Variants in WNK3 observed in about 807,000 individuals in gnomAD.
WNK3 encodes the protein WNK lysine deficient protein kinase 3, also known as serine/threonine-protein kinase WNK3.
A neutral mutation model predicts 116.7 loss-of-function variants in WNK3; 18 were observed. The observed-to-expected ratio is 0.15, with a 90% CI of 0.11 to 0.23. The LOEUF (loss-of-function observed/expected upper bound fraction) is 0.23, where lower values mean the gene tolerates loss of function less well. Among genes scored for constraint, WNK3 ranks in the 10% least tolerant of loss-of-function variants. The pLI, the probability that WNK3 is intolerant of heterozygous loss-of-function variation, is 1.00. For synonymous variants in WNK3, 404 were observed against 469.4 expected (o/e 0.86, Z 1.80); for missense variants, 993 against 1,323.8 (o/e 0.75, Z 3.88).
intron 10 of WNK3, among the ~76,000 whole-genome samples, chrX:54,272,600 C>A (rs782806771): frequency 1.2e-4 from 13 of 111,812 alleles, no homozygotes; most frequent in Non-Finnish European, 1.9e-4. Flanking sequence ...TCACAGTAGG[C>A]CCATGGATAT....
intron 10 of WNK3, among the ~76,000 whole-genome samples, chrX:54,270,711 G>C (rs1004759296): frequency 5.5e-5 from 6 of 109,917 alleles, no homozygotes; most frequent in Non-Finnish European, 1.1e-4. Flanking sequence ...TTAGGTATTT[G>C]TCCTAATGCT....
At chrX:54,237,796 G>A (rs935294811) in intron 19 of WNK3, among the ~76,000 whole-genome samples, 1 of 111,274 alleles carries the variant, frequency 9.0e-6, no homozygotes, top group Non-Finnish European at 1.9e-5. Flanking sequence ...CCACCCACCC[G>A]CCAAAAGAAA....
At chrX:54,209,655 A>G (rs1247601980) in intron 22 of WNK3, among the ~76,000 whole-genome samples, 1 of 95,693 alleles carries the variant, frequency 1.0e-5, no homozygotes, top group Non-Finnish European at 2.0e-5. Context: ...GATTTAAGCT[A>G]TTCTCCTGCC....
exon 21 of WNK3, chrX:54,232,984 C>A (rs1557149363): frequency 4.1e-6 from 5 of 1,208,521 alleles, no homozygotes; most frequent in Non-Finnish European, 5.6e-6. Context: ...GCTCCTTATT[C>A]TGCTGGGTTT....
At chrX:54,216,900 G>T (rs995372914) in intron 22 of WNK3, among the ~76,000 whole-genome samples, 4 of 112,391 alleles carry the variant, frequency 3.6e-5, no homozygotes, top group Non-Finnish European at 7.5e-5. Flanking sequence ...GGGAGGCCAG[G>T]TGTATTGGCT....
chrX:54,352,134 G>A (rs1159698430), intron 1 of WNK3, among the ~76,000 whole-genome samples: 1 of 111,072 alleles, frequency 9.0e-6, no homozygotes, highest in Non-Finnish European at 1.9e-5. Flanking sequence ...TAGTCAACAC[G>A]CCATGAGAAG....
In WNK3 at chrX:54,316,504, C is replaced by T. The variant is rs1356870097; in HGVS notation, c.538-5213G>A. On this transcript the variant is annotated intron_variant, in intron 2 of 23. Coordinates refer to ENST00000354646, the Ensembl canonical transcript of WNK3. ...GCAGTGAGCTGAGATCACGCCACCG[C>T]ACTCCAGCCTGGGCAATAGAGCGAG... Among the ~76,000 whole-genome samples the T allele has an allele frequency of 4.0e-5, 4 of 100,371 alleles. No individual in the cohort carries two copies. In the Admixed American group the frequency reaches 4.5e-4, roughly 11 times the overall value. 87.2% of individuals were successfully genotyped at this position (100,371 alleles called of 115,157 possible). A position where few individuals can be genotyped will look rare whatever the true frequency, so the allele number is the denominator to read the frequency against.
chrX:54,347,927 T>C (rs1373956488), intron 1 of WNK3, among the ~76,000 whole-genome samples: 1 of 109,611 alleles, frequency 9.1e-6, no homozygotes, highest in African/African-American at 3.3e-5. Flanking sequence ...AGAATCTCTT[T>C]AGGCAAATTA....
chrX:54,327,057 T>TA (rs782379601), intron 2 of WNK3, among the ~76,000 whole-genome samples: 7 of 111,169 alleles, frequency 6.3e-5, no homozygotes, highest in Non-Finnish European at 1.1e-4. Context: ...CCTTGTCTCT[T>TA]AAAAAAATCA....
At chrX:54,250,023 G>C (rs2068112834) in exon 16 of WNK3, 1 of 1,202,723 alleles carries the variant, frequency 8.3e-7, no homozygotes, top group South Asian at 1.8e-5. Flanking sequence ...AGGAACCGCA[G>C]ACATGGAATG....
intron 2 of WNK3, among the ~76,000 whole-genome samples, chrX:54,330,478 G>C (rs1448669710): frequency 8.9e-5 from 10 of 111,838 alleles, no homozygotes; most frequent in African/African-American, 3.2e-4. Flanking sequence ...GATCACTTGA[G>C]CCCAGGACGT....
At chrX:54,278,653 A>C (rs1296831533) in intron 10 of WNK3, among the ~76,000 whole-genome samples, 2 of 111,777 alleles carry the variant, frequency 1.8e-5, no homozygotes, top group African/African-American at 6.5e-5. Context: ...CAGTGTTTTC[A>C]ATGATGCTAT....
At chrX:54,274,764 G>A (rs782232997) in intron 10 of WNK3, among the ~76,000 whole-genome samples, 5 of 111,211 alleles carry the variant, frequency 4.5e-5, no homozygotes, top group African/African-American at 1.6e-4. Flanking sequence ...CCAACACTTT[G>A]GGAGGTTGAT....
At chrX:54,197,946 A>G (rs2067460914) in exon 24 of WNK3, 1 of 108,269 alleles carries the variant, frequency 9.2e-6, no homozygotes, top group Admixed American at 1.1e-4. Flanking sequence ...TGCAGATAGC[A>G]GCAGTTAAAA....
chrX:54,310,192 G>A (rs904671923), intron 3 of WNK3, among the ~76,000 whole-genome samples: 14 of 107,062 alleles, frequency 1.3e-4, no homozygotes, highest in South Asian at 8.1e-4. Context: ...TAATAGTATC[G>A]CTCACTAGAT....
At chrX:54,222,941 A>ATATATATAT (rs59332285) in intron 22 of WNK3, among the ~76,000 whole-genome samples, 18 of 84,063 alleles carry the variant, frequency 2.1e-4, no homozygotes, top group African/African-American at 1.1e-3. Flanking sequence ...TATATATATA[A>ATATATATAT]AAAAAGACAC....
chrX:54,239,248 C>T (rs2067998175), intron 17 of WNK3, 149 bp from the exon 18 acceptor site: 1 of 381,145 alleles, frequency 2.6e-6, no homozygotes, highest in Non-Finnish European at 4.2e-6. Context: ...TAATCTTTAA[C>T]CCAAAATAGA....
At chrX:54,314,398 A>G (rs1557170313) in intron 2 of WNK3, among the ~76,000 whole-genome samples, 1 of 111,089 alleles carries the variant, frequency 9.0e-6, no homozygotes, top group African/African-American at 3.3e-5. Context: ...ATAGCAAATA[A>G]TATACTTAAT....
At chrX:54,298,476 A>G (rs1205210567) in intron 6 of WNK3, 82 bp from the exon 7 acceptor site, 9 of 721,350 alleles carry the variant, frequency 1.2e-5, no homozygotes, top group Non-Finnish European at 1.8e-5. Flanking sequence ...AATTGTATAA[A>G]AGCAAAAAAC....
Sources: gnomAD v4.1 joint callset for allele counts (sites outside exome capture counted in the v4.1 genomes callset) on GRCh38, gnomAD v4.1.1 for gene constraint, MANE v1.5 for transcripts, NCBI Gene and HGNC (gene_info 2026-07-23, HGNC 2026-07-21) for gene names.